The following ERC2 variants were observed in gnomAD, a reference collection of about 807,000 sequenced individuals.
ERC2 encodes ERC protein 2.
In ERC2, 42 loss-of-function variants were observed where a neutral mutation model predicts 114.8. The observed-to-expected ratio is 0.37, with a 90% confidence interval of 0.29 to 0.47. The LOEUF (loss-of-function observed/expected upper bound fraction) is 0.47, where lower values mean the gene tolerates loss of function less well. ERC2 is among the 20% of genes least tolerant of loss of function. ERC2 has a pLI of 0.99. For missense variants in ERC2, 939 were observed against 1,150.7 expected, an observed-to-expected ratio of 0.82 and a Z score of 2.66; for synonymous variants, 454 against 425.5, an observed-to-expected ratio of 1.07 and a Z score of -0.82.
chr3:56,382,208 T>C (rs1467353285), intron 2 of ERC2, among the ~76,000 whole-genome samples: 1 of 152,102 alleles, frequency 6.6e-6, no homozygotes, highest in East Asian at 1.9e-4. Context: ...TGCCTACCCA[T>C]AGTAGCCCCT....
intron 17 of ERC2, among the ~76,000 whole-genome samples, chr3:55,511,657 T>C (rs1403364425): frequency 2.0e-5 from 3 of 152,252 alleles, no homozygotes; most frequent in Non-Finnish European, 4.4e-5. Flanking sequence ...ACAATGATGA[T>C]GTTTTTAAAA....
intron 1 of ERC2, among the ~76,000 whole-genome samples, chr3:56,443,715 T>A (rs982503961): frequency 6.6e-6 from 1 of 151,942 alleles, no homozygotes; most frequent in Non-Finnish European, 1.5e-5. Context: ...TTGTTTCTAA[T>A]TCTATAAAAT....
intron 4 of ERC2, among the ~76,000 whole-genome samples, chr3:56,166,395 G>A (rs2082328394): frequency 6.6e-6 from 1 of 151,946 alleles, no homozygotes; most frequent in African/African-American, 2.4e-5. Context: ...AACAAGATGG[G>A]AAATGCTCCC....
At chr3:56,318,981 A>G (rs1484712710) in intron 2 of ERC2, among the ~76,000 whole-genome samples, 1 of 151,558 alleles carries the variant, frequency 6.6e-6, no homozygotes, top group Non-Finnish European at 1.5e-5. Context: ...AAAAAAAAAA[A>G]AGATAACAAG....
intron 2 of ERC2, among the ~76,000 whole-genome samples, chr3:56,346,417 A>G (rs2058309880): frequency 6.6e-6 from 1 of 152,190 alleles, no homozygotes; most frequent in South Asian, 2.1e-4. Flanking sequence ...TAAACATAAG[A>G]CCTTGTATTA....
rs538178900 is a variant in ERC2 at position 55,559,694 on chromosome 3, C to T, written c.*40-48418G>A. Among the ~76,000 whole-genome samples the T allele has an allele frequency of 8.5e-5, 13 of 152,344 alleles. No individual in the cohort carries two copies. The East Asian group carries it at 9.7e-4, about 11-fold the overall frequency. On this transcript the variant is annotated intron_variant, in intron 17 of 17. Coordinates refer to ENST00000288221, the MANE Select transcript of ERC2 (RefSeq NM_015576.3). ...TCAGAGGACAACACCCTCAGTCTAT[C>T]CATCAATGTCCTCCTTGCCTTTGGC...
intron 2 of ERC2, among the ~76,000 whole-genome samples, chr3:56,403,430 T>C (rs537116517): frequency 2.0e-5 from 3 of 152,320 alleles, no homozygotes; most frequent in Non-Finnish European, 4.4e-5. Flanking sequence ...CAGTGCTCAA[T>C]AGCCAGAAGC....
chr3:55,757,287 A>T (rs1310915579), intron 14 of ERC2, among the ~76,000 whole-genome samples: 1 of 152,066 alleles, frequency 6.6e-6, no homozygotes, highest in Non-Finnish European at 1.5e-5. Flanking sequence ...ACACAGCACG[A>T]TATTACTTAG....
chr3:56,042,504 C>G (rs559920621), intron 7 of ERC2, among the ~76,000 whole-genome samples: 1 of 152,120 alleles, frequency 6.6e-6, no homozygotes, highest in Non-Finnish European at 1.5e-5. Flanking sequence ...TCCTACCAAA[C>G]AGTGTCCCTG....
intron 3 of ERC2, among the ~76,000 whole-genome samples, chr3:56,202,579 T>C (rs2048471331): frequency 6.6e-6 from 1 of 151,674 alleles, no homozygotes; most frequent in African/African-American, 2.4e-5. Context: ...ATTATATATA[T>C]TTAAGGTATA....
At chr3:56,195,769 G>A (rs2150080974) in intron 3 of ERC2, among the ~76,000 whole-genome samples, 1 of 152,242 alleles carries the variant, frequency 6.6e-6, no homozygotes, top group South Asian at 2.1e-4. Context: ...CAAGGCTTCA[G>A]TGAGCTGAGA....
At chr3:56,403,212 C>T (rs1489391519) in intron 2 of ERC2, among the ~76,000 whole-genome samples, 1 of 152,164 alleles carries the variant, frequency 6.6e-6, no homozygotes, top group Admixed American at 6.5e-5. Context: ...TTTCTAGATG[C>T]CTTCTCAGTA....
intron 1 of ERC2, among the ~76,000 whole-genome samples, chr3:56,443,395 T>C (rs1576994249): frequency 6.6e-6 from 1 of 152,200 alleles, no homozygotes; most frequent in Non-Finnish European, 1.5e-5. Flanking sequence ...AATTAGTTTC[T>C]CCCACAAAAT....
intron 14 of ERC2, among the ~76,000 whole-genome samples, chr3:55,875,690 T>TCACA (rs71621803): frequency 0.021 from 2,968 of 144,676 alleles, 36 homozygotes; most frequent in Middle Eastern, 0.031. Flanking sequence ...CTAAACTCAT[T>TCACA]CACACACACA....
intron 2 of ERC2, among the ~76,000 whole-genome samples, chr3:56,405,024 G>A (rs559794356): frequency 6.6e-4 from 100 of 152,276 alleles, no homozygotes; most frequent in Admixed American, 4.1e-3. Context: ...CCAAGCGAAC[G>A]TACAAGCAAG....
At chr3:55,670,923 C>T (rs886101527) in intron 17 of ERC2, among the ~76,000 whole-genome samples, 11 of 152,114 alleles carry the variant, frequency 7.2e-5, no homozygotes, top group Admixed American at 2.6e-4. Context: ...TACAGTGGAA[C>T]ACAGCCATGC....
rs2053523084 is a variant in ERC2 at position 55,529,252 on chromosome 3, C to T, written c.*40-17976G>A. 2.0e-5 allele frequency among the ~76,000 whole-genome samples: 3 copies of T among 152,178 alleles called. No homozygotes were observed. In the South Asian group the frequency reaches 6.2e-4, roughly 31 times the overall value. On this transcript the variant is annotated intron_variant, in intron 17 of 17. Coordinates refer to ENST00000288221, the MANE Select transcript of ERC2 (RefSeq NM_015576.3). ...TATTGAAAGTTGAAGGAAACTCTAG[C>T]TAATCCACATTCTGAACCCAAGACA...
intron 2 of ERC2, among the ~76,000 whole-genome samples, chr3:56,379,939 AG>A (rs1196243116): frequency 6.6e-6 from 1 of 152,166 alleles, no homozygotes; most frequent in Non-Finnish European, 1.5e-5. Context: ...ATTGTTCTAA[AG>A]TCAGTTTCTC....
At chr3:56,169,153 C>T (rs992313476) in intron 4 of ERC2, among the ~76,000 whole-genome samples, 4 of 151,782 alleles carry the variant, frequency 2.6e-5, no homozygotes, top group African/African-American at 7.3e-5. Context: ...ACCAAATCAC[C>T]AAACTTTTAC....
Sources: gnomAD v4.1 joint callset for allele counts (sites outside exome capture counted in the v4.1 genomes callset) on GRCh38, gnomAD v4.1.1 for gene constraint, MANE v1.5 for transcripts, NCBI Gene and HGNC (gene_info 2026-07-23, HGNC 2026-07-21) for gene names.